The following TCF12 variants were observed in gnomAD, a reference collection of about 807,000 sequenced individuals.
TCF12 encodes transcription factor 12, also known as DNA-binding protein HTF4.
In TCF12, 45 loss-of-function variants were observed where a neutral mutation model predicts 86.0. The ratio of observed to expected loss-of-function variants is 0.52; its 90% CI spans 0.41 to 0.67. TCF12 has a LOEUF of 0.67. Ranked by LOEUF, TCF12 falls within the 30% of genes least tolerant of loss-of-function variation. The probability of loss-of-function intolerance (pLI) is 0.00; values close to 1 mark genes in which losing one functional copy is unlikely to be tolerated. For synonymous variants in TCF12, 330 were observed against 299.6 expected, an observed-to-expected ratio of 1.10 and a Z score of -1.05; for missense variants, 881 against 859.9, an observed-to-expected ratio of 1.02 and a Z score of -0.31.
At chr15:57,253,189 T>C in intron 15 of TCF12, 73 bp from the exon 16 acceptor site, 1 of 1,524,224 alleles carries the variant, frequency 6.6e-7, no homozygotes, top group Non-Finnish European at 9.1e-7. Flanking sequence ...TATCACATAG[T>C]AGGAAACGTA....
At chr15:57,043,602 G>T (rs1250142802) in intron 3 of TCF12, among the ~76,000 whole-genome samples, 1 of 152,092 alleles carries the variant, frequency 6.6e-6, no homozygotes, top group Non-Finnish European at 1.5e-5. Flanking sequence ...GAAGACACCT[G>T]TATGTCTTCT....
rs16977197 is a variant in TCF12 at position 57,012,486 on chromosome 15, A to G, written c.149-51264A>G. ...TAACTCTTGTACGCCGCATTGATCTACAAGTGTGGCTCTCAGGAATTATTA... is the reference window on the plus strand; with the variant it reads ...TAACTCTTGTACGCCGCATTGATCTGCAAGTGTGGCTCTCAGGAATTATTA... On this transcript the variant is annotated intron_variant, in intron 3 of 20. Coordinates refer to ENST00000333725, the MANE Select transcript of TCF12 (RefSeq NM_207037.2). Among the ~76,000 whole-genome samples the G allele has an allele frequency of 4.1e-3, 629 of 152,326 alleles. 7 individuals carry two copies. The highest frequency in any genetic ancestry group is 0.021 in the Admixed American group (325 of 15,296).
At chr15:57,283,776 A>G (rs141850936) in intron 20 of TCF12, among the ~76,000 whole-genome samples, 25 of 152,340 alleles carry the variant, frequency 1.6e-4, no homozygotes, top group African/African-American at 5.5e-4. Flanking sequence ...TAAACTACAA[A>G]TATTAGTAAC....
chr15:57,180,939 T>C (rs947979389), intron 6 of TCF12, among the ~76,000 whole-genome samples: 2 of 149,240 alleles, frequency 1.3e-5, no homozygotes, highest in African/African-American at 2.5e-5. Flanking sequence ...CTCAGCCTCC[T>C]GAGTGGCTGG....
At chr15:57,188,918 G>T (rs1486387518) in intron 6 of TCF12, among the ~76,000 whole-genome samples, 1 of 152,208 alleles carries the variant, frequency 6.6e-6, no homozygotes, top group Admixed American at 6.5e-5. Context: ...CTCCTGAGTA[G>T]CTGGAACTAC....
At chr15:57,187,764 T>C (rs1387147994) in intron 6 of TCF12, among the ~76,000 whole-genome samples, 2 of 152,042 alleles carry the variant, frequency 1.3e-5, no homozygotes, top group East Asian at 3.9e-4. Flanking sequence ...ACCCCATCTC[T>C]ATGAAAAATA....
intron 3 of TCF12, among the ~76,000 whole-genome samples, chr15:57,006,136 T>C (rs1458551037): frequency 6.6e-6 from 1 of 152,206 alleles, no homozygotes; most frequent in Non-Finnish European, 1.5e-5. Flanking sequence ...AACTGAACAC[T>C]CTTTTATGAT....
intron 4 of TCF12, among the ~76,000 whole-genome samples, chr15:57,081,176 C>G (rs1285683858): frequency 1.3e-5 from 2 of 152,198 alleles, no homozygotes; most frequent in Admixed American, 6.5e-5. Context: ...TTCCTACTTT[C>G]ATTCCTTTAT....
chr15:57,162,846 GTTCT>G (rs1361076487), intron 5 of TCF12, among the ~76,000 whole-genome samples: 1 of 151,236 alleles, frequency 6.6e-6, no homozygotes, highest in Non-Finnish European at 1.5e-5. Flanking sequence ...TTTTTAAAGA[GTTCT>G]TACTAGGACA....
chr15:57,007,725 T>C (rs1317427648), intron 3 of TCF12, among the ~76,000 whole-genome samples: 2 of 151,894 alleles, frequency 1.3e-5, no homozygotes, highest in Non-Finnish European at 2.9e-5. Context: ...TTCTGAAAAC[T>C]CAAGGAAAAT....
intron 8 of TCF12, among the ~76,000 whole-genome samples, chr15:57,230,533 C>G (rs1287980541): frequency 3.9e-5 from 6 of 152,054 alleles, no homozygotes; most frequent in Admixed American, 3.9e-4. Flanking sequence ...GAAATTAATA[C>G]TGCTCTAACA....
chr15:57,219,066 G>A, intron 8 of TCF12: 2 of 1,053,690 alleles, frequency 1.9e-6, no homozygotes, highest in Non-Finnish European at 2.3e-6. Context: ...TGGTAACGCT[G>A]GAGGTGTAGC....
At chr15:57,101,246 C>G (rs530170708) in intron 5 of TCF12, among the ~76,000 whole-genome samples, 1 of 151,954 alleles carries the variant, frequency 6.6e-6, no homozygotes, top group African/African-American at 2.4e-5. Flanking sequence ...TGCTCTGTTG[C>G]CCAGACTGGA....
intron 6 of TCF12, among the ~76,000 whole-genome samples, chr15:57,191,817 C>A (rs567621999): frequency 6.6e-6 from 1 of 151,906 alleles, no homozygotes; most frequent in African/African-American, 2.4e-5. Flanking sequence ...GCCTGTAATC[C>A]CAGCTACTCA....
intron 3 of TCF12, among the ~76,000 whole-genome samples, chr15:57,008,132 T>C (rs1438154836): frequency 7.9e-5 from 11 of 138,800 alleles, no homozygotes; most frequent in African/African-American, 2.9e-4. Flanking sequence ...GGCTGATTTC[T>C]TTTTTTTTTT....
At chr15:56,930,130 G>A (rs776979808) in intron 3 of TCF12, among the ~76,000 whole-genome samples, 3 of 152,208 alleles carry the variant, frequency 2.0e-5, no homozygotes, top group Non-Finnish European at 4.4e-5. Context: ...GTGAGTGAAT[G>A]TGCTGCTGCT....
chr15:57,035,527 A>G (rs1247205746), intron 3 of TCF12, among the ~76,000 whole-genome samples: 1 of 152,152 alleles, frequency 6.6e-6, no homozygotes, highest in African/African-American at 2.4e-5. Context: ...TCGGCCTCCC[A>G]AAGTATTGGG....
chr15:56,980,232 G>T (rs1296490511), intron 3 of TCF12, among the ~76,000 whole-genome samples: 1 of 152,122 alleles, frequency 6.6e-6, no homozygotes, highest in Non-Finnish European at 1.5e-5. Context: ...GGGGGTAGTG[G>T]CATGCCCTTC....
intron 3 of TCF12, among the ~76,000 whole-genome samples, chr15:56,954,105 T>C (rs1399088770): frequency 1.3e-5 from 2 of 152,164 alleles, no homozygotes; most frequent in East Asian, 3.8e-4. Flanking sequence ...TTTTGATATA[T>C]TGGATTGTTA....
Sources: gnomAD v4.1 joint callset for allele counts (sites outside exome capture counted in the v4.1 genomes callset) on GRCh38, gnomAD v4.1.1 for gene constraint, MANE v1.5 for transcripts, NCBI Gene and HGNC (gene_info 2026-07-23, HGNC 2026-07-21) for gene names.